Variants in KLHL14 observed in about 807,000 individuals in gnomAD.
KLHL14 encodes the protein kelch-like protein 14.
Under a neutral mutation model 64.3 loss-of-function variants are expected in KLHL14, and 22 were observed. That is an observed-to-expected ratio of 0.34 (90% CI 0.24 to 0.49). The LOEUF (loss-of-function observed/expected upper bound fraction) is 0.49, where lower values mean the gene tolerates loss of function less well. KLHL14 is among the 20% of genes least tolerant of loss of function. KLHL14 has a pLI of 0.99. For missense variants in KLHL14, 661 were observed against 789.0 expected, an observed-to-expected ratio of 0.84 and a Z score of 1.94; for synonymous variants, 322 against 333.4, an observed-to-expected ratio of 0.97 and a Z score of 0.37.
intron 3 of KLHL14, among the ~76,000 whole-genome samples, chr18:32,702,197 T>C (rs979543596): frequency 2.6e-4 from 39 of 152,184 alleles, no homozygotes; most frequent in Non-Finnish European, 3.8e-4. Flanking sequence ...ATCATACTGC[T>C]AGAATACATA....
intron 3 of KLHL14, among the ~76,000 whole-genome samples, chr18:32,725,272 T>G (rs1239696989): frequency 6.6e-6 from 1 of 152,148 alleles, no homozygotes; most frequent in Non-Finnish European, 1.5e-5. Context: ...TCAAGCAATC[T>G]TCCCACCTTG....
chr18:32,759,003 T>A (rs2050299260), intron 2 of KLHL14, among the ~76,000 whole-genome samples: 2 of 152,166 alleles, frequency 1.3e-5, no homozygotes, highest in African/African-American at 4.8e-5. Flanking sequence ...GGGGAGGGAA[T>A]GATTAAAATG....
At chr18:32,741,332 A>G (rs1239274306) in intron 3 of KLHL14, among the ~76,000 whole-genome samples, 1 of 152,180 alleles carries the variant, frequency 6.6e-6, no homozygotes, top group Non-Finnish European at 1.5e-5. Flanking sequence ...GTAAAACACA[A>G]TCGCCCTTTA....
intron 3 of KLHL14, among the ~76,000 whole-genome samples, chr18:32,732,237 GAA>G (rs2050140576): frequency 1.3e-5 from 2 of 151,934 alleles, no homozygotes; most frequent in Non-Finnish European, 2.9e-5. Context: ...AAAATAAAAA[GAA>G]AAAAGAAATG....
chr18:32,733,389 G>GGAGAGAGAGA lies in KLHL14; in HGVS notation c.1069+8529_1069+8538dup, dbSNP rs34935950. Reference sequence around the variant, plus strand: ...ACAGAGAGAGAGAAAGAGAGAGAAAGGAGAGAGAGAGAGAGAGAGAGAGAA... The same window carrying GGAGAGAGAGA: ...ACAGAGAGAGAGAAAGAGAGAGAAAGGAGAGAGAGAGAGAGAGAGAGAGAGAGAGAGAGAA... On this transcript the variant is annotated intron_variant, in intron 3 of 8. Transcript: ENST00000359358. Among the ~76,000 whole-genome samples the GGAGAGAGAGA allele has an allele frequency of 7.3e-3, 1,070 of 147,504 alleles. 9 individuals are homozygous for GGAGAGAGAGA. The highest frequency in any genetic ancestry group is 0.016 in the African/African-American group (626 of 40,000).
At chr18:32,689,502 G>A (rs1161494729) in intron 4 of KLHL14, among the ~76,000 whole-genome samples, 8 of 152,160 alleles carry the variant, frequency 5.3e-5, no homozygotes, top group Admixed American at 4.6e-4. Flanking sequence ...TCAGTGAACC[G>A]GAGGGGATGA....
In KLHL14 at chr18:32,770,331, C is replaced by A; in HGVS notation, c.261G>T (p.Pro87=). Residue 87 remains proline, a synonymous_variant, in exon 2 of 9, where the codon CCG becomes CCT. Transcript: ENST00000359358. The surrounding 1 kb of genome is among the most constrained non-coding windows in gnomAD (Gnocchi z 6.7). ...GLGAPKDQQQ[P]PQQQPSQQQQ... is the part of the protein sequence containing the mutation. ...GCTGCTGTGACGGCTGCTGCTGCGGCGGCTGCTGCTGGTCCTTGGGGGCCC... is the reference window on the plus strand; with the variant it reads ...GCTGCTGTGACGGCTGCTGCTGCGGAGGCTGCTGCTGGTCCTTGGGGGCCC... The A allele has an allele frequency of 1.9e-6, 3 of 1,584,144 alleles. No individual in the cohort carries two copies. Among genetic ancestry groups the A allele is most frequent in the Non-Finnish European group, 2.6e-6 (3 of 1,165,630 alleles).
At chr18:32,729,572 A>G (rs1482371632) in intron 3 of KLHL14, among the ~76,000 whole-genome samples, 2 of 152,210 alleles carry the variant, frequency 1.3e-5, no homozygotes, top group African/African-American at 2.4e-5. Flanking sequence ...GAAATATGTC[A>G]TTGTCATAAT....
chr18:32,765,915 A>G (rs2050340610), intron 2 of KLHL14, among the ~76,000 whole-genome samples: 1 of 152,080 alleles, frequency 6.6e-6, no homozygotes, highest in Admixed American at 6.5e-5. Flanking sequence ...TATAAAATAT[A>G]ATTTCTTTAA....
At chr18:32,734,100 CAGA>C (rs980397415) in intron 3 of KLHL14, 2 of 700,186 alleles carry the variant, frequency 2.9e-6, no homozygotes, top group Non-Finnish European at 2.6e-6. Flanking sequence ...TTGAGCACAG[CAGA>C]AGAATACACT....
At chr18:32,705,149 T>TA (rs1033157524) in intron 3 of KLHL14, among the ~76,000 whole-genome samples, 1 of 152,190 alleles carries the variant, frequency 6.6e-6, no homozygotes, top group Non-Finnish European at 1.5e-5. Flanking sequence ...TAGCTTAATT[T>TA]AAAAAAATGA....
chr18:32,679,706 C>G (rs1354353535), intron 7 of KLHL14, among the ~76,000 whole-genome samples: 1 of 151,872 alleles, frequency 6.6e-6, no homozygotes, highest in Non-Finnish European at 1.5e-5. Context: ...TAAAAAAATT[C>G]TAAATTTAGA....
intron 3 of KLHL14, among the ~76,000 whole-genome samples, chr18:32,708,940 T>C (rs911174383): frequency 3.9e-5 from 6 of 152,172 alleles, no homozygotes; most frequent in Non-Finnish European, 7.4e-5. Flanking sequence ...GTAAACCCCC[T>C]ATATTCCATA....
chr18:32,757,622 A>G (rs1215029475), intron 2 of KLHL14, among the ~76,000 whole-genome samples: 1 of 152,120 alleles, frequency 6.6e-6, no homozygotes, highest in African/African-American at 2.4e-5. Flanking sequence ...TATTGTATTA[A>G]CATTGCTTGA....
chr18:32,696,798 CGCTG>C (rs1361849262), intron 3 of KLHL14, among the ~76,000 whole-genome samples: 3 of 152,086 alleles, frequency 2.0e-5, no homozygotes, highest in African/African-American at 4.8e-5. Context: ...AAAGCATTTA[CGCTG>C]GCTAAGATAT....
intron 4 of KLHL14, among the ~76,000 whole-genome samples, chr18:32,690,532 C>A (rs2049902187): frequency 6.6e-6 from 1 of 152,040 alleles, no homozygotes; most frequent in Non-Finnish European, 1.5e-5. Context: ...AGTTCGAGAC[C>A]AGCCTGGCCA....
chr18:32,718,866 A>G (rs1230261842), intron 3 of KLHL14, among the ~76,000 whole-genome samples: 1 of 152,242 alleles, frequency 6.6e-6, no homozygotes, highest in Admixed American at 6.5e-5. Flanking sequence ...TCTAGCTTCC[A>G]TAAACATTTT....
At position 32,741,961 on chromosome 18, in the gene KLHL14, C is replaced by T. The variant is rs530297613; in HGVS notation, c.1036G>A (p.Asp346Asn). Residue 346 changes from aspartate to asparagine, a missense_variant, in exon 3 of 9, where the codon GAC (aspartate) becomes AAC (asparagine). Asp to Asn is a conservative substitution (Grantham distance 23). This residue lies in a region of KLHL14 where 330 missense variants were observed against 450.0 expected (regional missense o/e 0.73). Transcript: ENST00000359358. ...ATTTTCCATGTCTTCTTTTCATCGT[C>T]GTAATACTGAACCAAATTGCTGGGG... ...RLPSNLVQYYDDEKKTWKILT... is the reference protein window; with the variant it reads ...RLPSNLVQYYNDEKKTWKILT... The T allele has an allele frequency of 7.4e-6, 12 of 1,611,982 alleles. No individual in the cohort carries two copies. Among genetic ancestry groups the T allele is most frequent in the Middle Eastern group, 1.7e-4 (1 of 6,056 alleles).
At chr18:32,700,348 A>G (rs9961467) in intron 3 of KLHL14, among the ~76,000 whole-genome samples, 8,466 of 152,206 alleles carry the variant, frequency 0.056, 631 homozygotes, top group African/African-American at 0.17. Flanking sequence ...TTTTGAAAAA[A>G]TAATTAATGC....
Sources: gnomAD v4.1 joint callset for allele counts (sites outside exome capture counted in the v4.1 genomes callset) on GRCh38, gnomAD v4.1.1 for gene constraint, gnomAD v4.1.1 regional missense constraint, Gnocchi (gnomAD v3.1) non-coding constraint, MANE v1.5 for transcripts, NCBI Gene and HGNC (gene_info 2026-07-23, HGNC 2026-07-21) for gene names.